Variants in ASXL1 observed in about 807,000 individuals in gnomAD.
ASXL1 encodes ASXL transcriptional regulator 1.
Under a neutral mutation model 89.1 loss-of-function variants are expected in ASXL1, and 65 were observed. The ratio of observed to expected loss-of-function variants is 0.73; its 90% CI spans 0.60 to 0.90. The LOEUF (loss-of-function observed/expected upper bound fraction) is 0.90. Ranked by LOEUF, ASXL1 falls within the 40% of genes least tolerant of loss-of-function variation. ASXL1 has a pLI of 0.00. For missense variants in ASXL1, 1,786 were observed against 1,942.9 expected, an observed-to-expected ratio of 0.92 and a Z score of 1.52; for synonymous variants, 739 against 746.9, an observed-to-expected ratio of 0.99 and a Z score of 0.17.
intron 4 of ASXL1, among the ~76,000 whole-genome samples, chr20:32,409,436 A>G (rs1042567431): frequency 6.6e-6 from 1 of 152,152 alleles, no homozygotes; most frequent in African/African-American, 2.4e-5. Context: ...GCTACATGTT[A>G]TTTTTTTCAT....
chr20:32,402,890 G>C (rs1040523794), intron 4 of ASXL1, among the ~76,000 whole-genome samples: 4 of 152,138 alleles, frequency 2.6e-5, no homozygotes, highest in African/African-American at 9.7e-5. Flanking sequence ...ATTTGCCTAA[G>C]AGTGTGCTTC....
At chr20:32,359,529 A>T (rs1004997453) in intron 1 of ASXL1, 52 of 646,514 alleles carry the variant, frequency 8.0e-5, no homozygotes, top group Non-Finnish European at 1.4e-4. Context: ...CAGGTGATTC[A>T]AACGCAGTGG....
chr20:32,373,924 C>T (rs116817173), intron 4 of ASXL1, among the ~76,000 whole-genome samples: 1 of 152,150 alleles, frequency 6.6e-6, no homozygotes, highest in African/African-American at 2.4e-5. Flanking sequence ...AAAATTTCAT[C>T]ATTGCTTCTT....
At chr20:32,370,680 A>G (rs181239845) in intron 4 of ASXL1, among the ~76,000 whole-genome samples, 5 of 152,324 alleles carry the variant, frequency 3.3e-5, no homozygotes, top group South Asian at 4.1e-4. Flanking sequence ...AATACCAACT[A>G]TATAACATGA....
At chr20:32,411,062 A>T (rs1447109001) in intron 4 of ASXL1, among the ~76,000 whole-genome samples, 1 of 141,994 alleles carries the variant, frequency 7.0e-6, no homozygotes, top group African/African-American at 2.6e-5. Context: ...AAAATAAAAA[A>T]AAATTAGTAC....
At position 32,369,064 on chromosome 20, in the gene ASXL1, A is replaced by G; in HGVS notation, c.193A>G (p.Arg65Gly). 1 of 1,614,092 alleles carries G rather than the reference A, an allele frequency of 6.2e-7. No homozygotes were observed. The highest frequency in any genetic ancestry group is 8.5e-7 in the Non-Finnish European group (1 of 1,179,994). Residue 65 changes from arginine to glycine, a missense_variant, in exon 4 of 13, where the codon AGA (arginine) becomes GGA (glycine). By Grantham distance (125) the Arg-to-Gly change is moderately radical. Transcript: ENST00000375687. Reference sequence around the variant, plus strand: ...CAATGCTATGCTACATTCCAATTCAAGAGGAGGAGAGGGGTTGTTTTATAA... The same window carrying G: ...CAATGCTATGCTACATTCCAATTCAGGAGGAGGAGAGGGGTTGTTTTATAA... ...CLNAMLHSNS[R>G]GGEGLFYKLP...
Position 32,364,373 on chromosome 20 carries a change from GC to G in ASXL1, c.58-2008del, listed in dbSNP as rs557440647. Among the ~76,000 whole-genome samples, 1,441 of 152,100 alleles carry G rather than the reference GC, an allele frequency of 9.5e-3. 14 individuals carry two copies. The highest frequency in any genetic ancestry group is 0.023 in the African/African-American group (941 of 41,490). ...TGGGATTACGGGCATGAGCCACCAT[GC>G]CCATCTAGTTTTTTGTATTTTTTTG... On this transcript the variant is annotated intron_variant, in intron 1 of 12. Coordinates refer to ENST00000375687, the MANE Select transcript of ASXL1 (RefSeq NM_015338.6).
chr20:32,389,908 G>C (rs1420334722), intron 4 of ASXL1, among the ~76,000 whole-genome samples: 1 of 152,194 alleles, frequency 6.6e-6, no homozygotes, highest in Non-Finnish European at 1.5e-5. Context: ...AGCTTTGTGA[G>C]AGTTTGATTT....
intron 4 of ASXL1, among the ~76,000 whole-genome samples, chr20:32,379,108 A>C (rs2048439156): frequency 6.7e-6 from 1 of 149,250 alleles, no homozygotes; most frequent in African/African-American, 2.5e-5. Flanking sequence ...CAGATAAATA[A>C]ATTGGGTTCA....
rs757864386 is a variant in ASXL1, at chr20:32,366,367, C to T, written c.58-17C>T. 35 of 1,586,646 alleles carry T rather than the reference C, an allele frequency of 2.2e-5. No individual in the cohort carries two copies. In the Admixed American group the frequency reaches 2.7e-4, roughly 12 times the overall value. ...TGGAAATTGCACACTGAAATTAGGA[C>T]GTTTATATTTCTTCAGGTATTAGAA... On this transcript the variant is annotated splice_polypyrimidine_tract_variant and intron_variant, in intron 1 of 12. Coordinates refer to ENST00000375687, the MANE Select transcript of ASXL1 (RefSeq NM_015338.6).
Position 32,368,754 on chromosome 20 carries a change from A to T in ASXL1, c.144-261A>T, listed in dbSNP as rs183850160. Among the ~76,000 whole-genome samples the T allele has an allele frequency of 7.6e-3, 1,157 of 152,328 alleles. 15 individuals are homozygous for T. The highest frequency in any genetic ancestry group is 0.01 in the Non-Finnish European group (690 of 68,024). ...TCTAAATTTCTTGGAAATTTGATTTATATTGTCAAAAAGCACTGAAGAAGT... is the reference window on the plus strand; with the variant it reads ...TCTAAATTTCTTGGAAATTTGATTTTTATTGTCAAAAAGCACTGAAGAAGT... On this transcript the variant is annotated intron_variant, in intron 3 of 12. Transcript: ENST00000375687.
At chr20:32,374,422 G>T (rs1261310912) in intron 4 of ASXL1, among the ~76,000 whole-genome samples, 4 of 152,100 alleles carry the variant, frequency 2.6e-5, no homozygotes, top group Non-Finnish European at 5.9e-5. Flanking sequence ...CTCCCCAGTA[G>T]CTGGGACCAC....
chr20:32,367,526 G>C (rs978313872), intron 2 of ASXL1, among the ~76,000 whole-genome samples: 3 of 152,198 alleles, frequency 2.0e-5, no homozygotes, highest in Admixed American at 6.5e-5. Flanking sequence ...AGGGTCAAAA[G>C]GCCTTCACTT....
rs1267980557 is a variant in ASXL1 at position 32,384,439 on chromosome 20, A to C, written c.252+15316A>C. ...TTAAACTCCTAACCTCAAGTGATCC[A>C]CTTGCTTCGGCCTCCCAAAGTGCTA... On this transcript the variant is annotated intron_variant, in intron 4 of 12. Transcript: ENST00000375687. Among the ~76,000 whole-genome samples the C allele has an allele frequency of 2.2e-4, 34 of 151,982 alleles. 1 individual carries two copies. The highest frequency in any genetic ancestry group is 2.2e-3 in the Admixed American group (34 of 15,244).
rs528736726 is a variant in ASXL1 at position 32,437,248 on chromosome 20, C to T, written c.4536C>T (p.Ala1512=). 4.3e-6 allele frequency: 7 copies of T among 1,614,100 alleles called. No individual in the cohort carries two copies. The highest frequency in any genetic ancestry group is 1.1e-5 in the South Asian group (1 of 91,080). The change falls in exon 13 of 13, where the codon GCC becomes GCT. Residue 1512 remains alanine, a synonymous_variant. Coordinates refer to ENST00000375687, the MANE Select transcript of ASXL1 (RefSeq NM_015338.6). Reference sequence around the variant, plus strand: ...TCCAGTGTGCGTGCAGCCTGAAAGCCATGATCATGTGCCAAGGCTGCGGTG... The same window carrying T: ...TCCAGTGTGCGTGCAGCCTGAAAGCTATGATCATGTGCCAAGGCTGCGGTG... The part of the protein sequence containing the change: ...ISLQCACSLK[A]MIMCQGCGAF...
intron 8 of ASXL1, 138 bp from the exon 9 acceptor site, chr20:32,431,183 A>G: frequency 9.7e-7 from 1 of 1,026,752 alleles, no homozygotes; most frequent in Non-Finnish European, 1.5e-6. Flanking sequence ...ACAGGTTAGG[A>G]TGGACTGGAC....
intron 1 of ASXL1, chr20:32,360,478 A>G (rs2208131): frequency 0.35 from 53,730 of 152,184 alleles, 10,559 homozygotes; most frequent in East Asian, 0.74. Flanking sequence ...CCTCCTCGAC[A>G]ATGAGTTTTG....
chr20:32,387,586 A>C (rs934450117), intron 4 of ASXL1, among the ~76,000 whole-genome samples: 6 of 151,780 alleles, frequency 4.0e-5, no homozygotes, highest in African/African-American at 1.5e-4. Context: ...CATGTTTTCC[A>C]CTCCATACTC....
chr20:32,434,674 C>T lies in ASXL1; in HGVS notation c.1962C>T (p.Ala654=), dbSNP rs1388582687. ...GGGPGGGGGG[A]TDEGGGRGSS... is the part of the protein sequence containing the mutation. ...GCCCGGGTGGAGGTGGCGGCGGGGC[C>T]ACCGATGAGGGAGGTGGCAGAGGCA... Residue 654 remains alanine (A), a synonymous_variant, in exon 13 of 13, where the codon GCC becomes GCT. Coordinates refer to ENST00000375687, the MANE Select transcript of ASXL1 (RefSeq NM_015338.6). 1.2e-6 allele frequency: 2 copies of T among 1,602,820 alleles called. No individual in the cohort carries two copies. The highest frequency in any genetic ancestry group is 2.7e-5 in the African/African-American group (2 of 74,562).
Sources: gnomAD v4.1 joint callset for allele counts (sites outside exome capture counted in the v4.1 genomes callset) on GRCh38, gnomAD v4.1.1 for gene constraint, MANE v1.5 for transcripts, NCBI Gene and HGNC (gene_info 2026-07-23, HGNC 2026-07-21) for gene names.